ZNF154: variants seen among roughly 807,000 people sequenced by gnomAD.
ZNF154 encodes zinc finger protein 154.
In ZNF154, 6 loss-of-function variants were observed where a neutral mutation model predicts 7.5. The ratio of observed to expected loss-of-function variants is 0.80; its 90% confidence interval spans 0.44 to 1.57. ZNF154 has a LOEUF of 1.57. Among genes scored for constraint, ZNF154 ranks in the 40% most tolerant of loss-of-function variants. ZNF154 has a pLI of 0.01. For missense variants in ZNF154, 485 were observed against 531.4 expected, an observed-to-expected ratio of 0.91 and a Z score of 0.86; for synonymous variants, 187 against 185.9, an observed-to-expected ratio of 1.01 and a Z score of -0.05.
chr19:57,698,882 C>G lies in ZNF154; in HGVS notation c.*2753G>C, dbSNP rs1985006913. 1 of 152,176 alleles carries G rather than the reference C, an allele frequency of 6.6e-6. No individual in the cohort carries two copies. The highest frequency in any genetic ancestry group is 6.5e-5 in the Admixed American group (1 of 15,268). The allele number at this position is 152,176 out of a possible 1,614,324, so 9.4% of individuals were successfully genotyped here. A position where few individuals can be genotyped will look rare whatever the true frequency, so the allele number is the denominator to read the frequency against. On this transcript the variant is annotated 3_prime_UTR_variant, in exon 3 of 3. Coordinates refer to ENST00000684351, the MANE Select transcript of ZNF154 (RefSeq NM_001085384.3). ...GATCTTGGCTCACTGCAACCTCCAC[C>G]TCCCGGGGTTCAAACAATTCTCGTG...
rs1985076149 is a variant in ZNF154, at chr19:57,700,414, A to C, written c.*1221T>G. 6.6e-6 allele frequency: 1 copy of C among 152,258 alleles called. No individual in the cohort carries two copies. Among genetic ancestry groups the C allele is most frequent in the Non-Finnish European group, 1.5e-5 (1 of 68,052 alleles). 9.4% of individuals were successfully genotyped at this position (152,258 alleles called of 1,614,324 possible). On this transcript the variant is annotated 3_prime_UTR_variant, in exon 3 of 3. Coordinates refer to ENST00000684351, the MANE Select transcript of ZNF154 (RefSeq NM_001085384.3). ...CTGTACCTGCTCATCCTTAAGAGCC[A>C]TAATAACGAACATCATGGAAACCTC...
intron 1 of ZNF154, 90 bp from the exon 2 acceptor site, chr19:57,705,069 C>A (rs1407694699): frequency 6.7e-7 from 1 of 1,496,796 alleles, no homozygotes; most frequent in East Asian, 2.4e-5. Context: ...CATGCCCATT[C>A]TCTTCCCAAG....
chr19:57,697,253 TTA>T lies in ZNF154; in HGVS notation c.*4380_*4381del, dbSNP rs1453270837. 14 of 152,194 alleles carry T rather than the reference TTA, an allele frequency of 9.2e-5. No individual in the cohort carries two copies. The highest frequency in any genetic ancestry group is 3.4e-4 in the African/African-American group (14 of 41,444). 9.4% of individuals were successfully genotyped at this position (152,194 alleles called of 1,614,324 possible). ...TCTGGGTTGGGAGAAGGTTTTGTAT[TTA>T]TTTCACTGTTGCCATCACACACCTG... On this transcript the variant is annotated 3_prime_UTR_variant, in exon 3 of 3. Coordinates refer to ENST00000684351, the MANE Select transcript of ZNF154 (RefSeq NM_001085384.3).
chr19:57,704,877 T>C lies in ZNF154; in HGVS notation c.136A>G (p.Asn46Asp). The C allele has an allele frequency of 6.2e-7, 1 of 1,612,862 alleles. No homozygotes were observed. Among genetic ancestry groups the C allele is most frequent in the African/African-American group, 1.3e-5 (1 of 74,858 alleles). The change falls in exon 2 of 3, where the codon AAC becomes GAC. Residue 46 changes from asparagine to aspartate, a missense_variant. By Grantham distance (23) the Asn-to-Asp change is conservative. Coordinates refer to ENST00000684351, the MANE Select transcript of ZNF154 (RefSeq NM_001085384.3). ...RCLYRDVMLENLALLTSLDVH... is the reference protein window; with the variant it reads ...RCLYRDVMLEDLALLTSLDVH... ...CCTAGAGAGGTTAAAAGAGCCAAGT[T>C]CTCCAGCATCACATCACGGTACAGG...
At position 57,709,108 on chromosome 19, in the gene ZNF154, G is replaced by A; in HGVS notation, c.-137C>T. The A allele has an allele frequency of 1.7e-6, 2 of 1,180,538 alleles. No individual in the cohort carries two copies. The highest frequency in any genetic ancestry group is 2.4e-6 in the Non-Finnish European group (2 of 825,898). The allele number at this position is 1,180,538 out of a possible 1,614,324, so 73.1% of individuals were successfully genotyped here. A position where few individuals can be genotyped will look rare whatever the true frequency, so the allele number is the denominator to read the frequency against. ...AGGCTTAGACGCTTTCGTGCAGGAG[G>A]GACGACGACTCCCCTCACGCCTTCG... is the stretch of plus-strand genomic sequence containing the variant. On this transcript the variant is annotated 5_prime_UTR_variant, in exon 1 of 3. Transcript: ENST00000684351.
At position 57,708,922 on chromosome 19, in the gene ZNF154, G is replaced by A; in HGVS notation, c.33+17C>T. 6.4e-7 allele frequency: 1 copy of A among 1,559,116 alleles called. No homozygotes were observed. The highest frequency in any genetic ancestry group is 8.7e-7 in the Non-Finnish European group (1 of 1,151,802). On this transcript the variant is annotated intron_variant, in intron 1 of 2. Transcript: ENST00000684351. Reference sequence around the variant, plus strand: ...GGTGGGGGAAGGTGTGTGAGGACGGGAAGACGCCGCACTCACCTGAGTTGG... The same window carrying A: ...GGTGGGGGAAGGTGTGTGAGGACGGAAAGACGCCGCACTCACCTGAGTTGG...
rs1446727288 is a variant in ZNF154, at chr19:57,698,996, TG to T, written c.*2638del. On this transcript the variant is annotated 3_prime_UTR_variant, in exon 3 of 3. Coordinates refer to ENST00000684351, the MANE Select transcript of ZNF154 (RefSeq NM_001085384.3). ...TTTTAGTAGAGACGGGGTTTCACCA[TG>T]TTGGCCAGGCTGGTCTCGAACTCGT... The T allele has an allele frequency of 1.3e-5, 2 of 152,198 alleles. No individual in the cohort carries two copies. The highest frequency in any genetic ancestry group is 4.8e-5 in the African/African-American group (2 of 41,426). 9.4% of individuals were successfully genotyped at this position (152,198 alleles called of 1,614,324 possible). A position where few individuals can be genotyped will look rare whatever the true frequency, so the allele number is the denominator to read the frequency against.
rs753721400 is a variant in ZNF154, at chr19:57,702,377, C to T, written c.572G>A (p.Cys191Tyr). Residue 191 changes from cysteine (C) to tyrosine (Y), a missense_variant, in exon 3 of 3, where the codon TGT becomes TAT. By Grantham distance (194) the Cys-to-Tyr change is radical. Coordinates refer to ENST00000684351, the MANE Select transcript of ZNF154 (RefSeq NM_001085384.3). ...CCTAAAGGACTTCCCACACTCTCGA[C>T]ATTCATAAGGCTTTTCTCCAGTGTG... ...RLHTGEKPYE[C>Y]RECGKSFRQS... is the part of the protein sequence containing the mutation. 1 of 1,612,810 alleles carries T rather than the reference C, an allele frequency of 6.2e-7. No individual in the cohort carries two copies. The highest frequency in any genetic ancestry group is 1.1e-5 in the South Asian group (1 of 91,040).
Position 57,709,122 on chromosome 19 carries a change from C to T in ZNF154, c.-151G>A. On this transcript the variant is annotated 5_prime_UTR_variant, in exon 1 of 3. Coordinates refer to ENST00000684351, the MANE Select transcript of ZNF154 (RefSeq NM_001085384.3). ...TCGTGCAGGAGGGACGACGACTCCCCTCACGCCTTCGTGGCCCCAACTCGG... is the reference window on the plus strand; with the variant it reads ...TCGTGCAGGAGGGACGACGACTCCCTTCACGCCTTCGTGGCCCCAACTCGG... 2 of 1,037,530 alleles carry T rather than the reference C, an allele frequency of 1.9e-6. No homozygotes were observed. Among genetic ancestry groups the T allele is most frequent in the South Asian group, 3.0e-5 (2 of 66,670 alleles). The allele number at this position is 1,037,530 out of a possible 1,614,324, so 64.3% of individuals were successfully genotyped here.
At chr19:57,705,061 T>C in intron 1 of ZNF154, 82 bp from the exon 2 acceptor site, 5 of 1,504,286 alleles carry the variant, frequency 3.3e-6, no homozygotes, top group Non-Finnish European at 4.4e-6. Context: ...CTTTACCCCA[T>C]GCCCATTCTC....
chr19:57,699,304 TC>T lies in ZNF154; in HGVS notation c.*2330del, dbSNP rs758676946. On this transcript the variant is annotated 3_prime_UTR_variant, in exon 3 of 3. Coordinates refer to ENST00000684351, the MANE Select transcript of ZNF154 (RefSeq NM_001085384.3). ...GGTTTCAATATGTTGGTCAGGCTGG[TC>T]TCTAACTCCTGACCTTGTGATCCAC... 1.9e-5 allele frequency: 3 copies of T among 156,520 alleles called. No individual in the cohort carries two copies. The highest frequency in any genetic ancestry group is 4.2e-5 in the Non-Finnish European group (3 of 70,724). 9.7% of individuals were successfully genotyped at this position (156,520 alleles called of 1,614,324 possible). A position where few individuals can be genotyped will look rare whatever the true frequency, so the allele number is the denominator to read the frequency against.
rs527449684 is a variant in ZNF154, at chr19:57,703,457, C to A, written c.161-669G>T. On this transcript the variant is annotated intron_variant, in intron 2 of 2. Coordinates refer to ENST00000684351, the MANE Select transcript of ZNF154 (RefSeq NM_001085384.3). ...CCAAGATTGCACCACTGTACTCCAGCCTGGGTGACAGAAGGAGACTCCGTC... is the reference window on the plus strand; with the variant it reads ...CCAAGATTGCACCACTGTACTCCAGACTGGGTGACAGAAGGAGACTCCGTC... Among the ~76,000 whole-genome samples, 9 of 129,492 alleles carry A rather than the reference C, an allele frequency of 7.0e-5. No homozygotes were observed. In the South Asian group the frequency reaches 2.2e-3, roughly 31 times the overall value. 85.0% of individuals were successfully genotyped at this position (129,492 alleles called of 152,430 possible).
chr19:57,708,787 CGTCACACGCAGT>C, intron 1 of ZNF154, 140 bp downstream of exon 1: 5 of 1,024,120 alleles, frequency 4.9e-6, no homozygotes, highest in Non-Finnish European at 7.1e-6. Context: ...TCCCACACCT[CGTCACACGCAGT>C]GTCAAAAAAA....
chr19:57,698,399 C>A lies in ZNF154; in HGVS notation c.*3236G>T, dbSNP rs1984985833. On this transcript the variant is annotated 3_prime_UTR_variant, in exon 3 of 3. Transcript: ENST00000684351. ...TTCACTACATTTTATTTTCTACATT[C>A]TTGAGGTTATTCGTGGCCACTGTAT... is the stretch of plus-strand genomic sequence containing the variant. The A allele has an allele frequency of 6.6e-6, 1 of 152,138 alleles. No individual in the cohort carries two copies. The highest frequency in any genetic ancestry group is 2.4e-5 in the African/African-American group (1 of 41,432). 9.4% of individuals were successfully genotyped at this position (152,138 alleles called of 1,614,324 possible).
intron 2 of ZNF154, among the ~76,000 whole-genome samples, chr19:57,703,356 G>C (rs529480615): frequency 2.0e-4 from 30 of 151,912 alleles, no homozygotes; most frequent in African/African-American, 6.8e-4. Context: ...CATGGTGGTG[G>C]GTGCCTGTAG....
chr19:57,708,629 G>T (rs1325998819), intron 1 of ZNF154, among the ~76,000 whole-genome samples: 3 of 152,104 alleles, frequency 2.0e-5, no homozygotes, highest in Non-Finnish European at 4.4e-5. Flanking sequence ...ACTCTCCGTG[G>T]CTTCTAGCAT....
At chr19:57,708,841 G>T in intron 1 of ZNF154, 98 bp downstream of exon 1, 1 of 1,501,958 alleles carries the variant, frequency 6.7e-7, no homozygotes, top group South Asian at 1.2e-5. Flanking sequence ...CAGTGTCCCC[G>T]ACCCTGGGCA....
Position 57,699,631 on chromosome 19 carries a change from ATG to A in ZNF154, c.*2002_*2003del. On this transcript the variant is annotated 3_prime_UTR_variant, in exon 3 of 3. Transcript: ENST00000684351. The stretch of plus-strand genomic sequence containing the variant: ...ACATGAGAAGTTGCCTAAGAACTCA[ATG>A]TCAACCATTCCACGGCTGTTCAGCA... 5.7e-6 allele frequency: 1 copy of A among 176,784 alleles called. No individual in the cohort carries two copies. Among genetic ancestry groups the A allele is most frequent in the African/African-American group, 2.4e-5 (1 of 42,126 alleles). The allele number at this position is 176,784 out of a possible 1,614,324, so 11.0% of individuals were successfully genotyped here.
rs1985530696 is a variant in ZNF154, at chr19:57,709,165, T to A, written c.-194A>T. Reference sequence around the variant, plus strand: ...CAACTCGGCGCTCTGCTATCTCTGATCCGGTGAACACACCTCAGAGAAGCT... The same window carrying A: ...CAACTCGGCGCTCTGCTATCTCTGAACCGGTGAACACACCTCAGAGAAGCT... On this transcript the variant is annotated 5_prime_UTR_variant, in exon 1 of 3. Transcript: ENST00000684351. The A allele has an allele frequency of 1.5e-6, 1 of 682,864 alleles. No individual in the cohort carries two copies. The highest frequency in any genetic ancestry group is 2.5e-6 in the Non-Finnish European group (1 of 401,384). 42.3% of individuals were successfully genotyped at this position (682,864 alleles called of 1,614,324 possible).
Sources: gnomAD v4.1 joint callset for allele counts (sites outside exome capture counted in the v4.1 genomes callset) on GRCh38, gnomAD v4.1.1 for gene constraint, MANE v1.5 for transcripts, NCBI Gene and HGNC (gene_info 2026-07-23, HGNC 2026-07-21) for gene names.